Variants in ASCC3 observed in about 807,000 individuals in gnomAD.
The protein encoded by ASCC3 is activating signal cointegrator 1 complex subunit 3.
ASCC3 carries 158 observed loss-of-function variants against 256.3 expected under a neutral mutation model. The observed-to-expected ratio is 0.62, with a 90% CI of 0.54 to 0.70. The LOEUF is 0.70. ASCC3 is among the 30% of genes least tolerant of loss of function. The pLI is 0.00. For synonymous variants in ASCC3, 948 were observed against 883.4 expected, an observed-to-expected ratio of 1.07 and a Z score of -1.30; for missense variants, 2,259 against 2,626.0, an observed-to-expected ratio of 0.86 and a Z score of 3.05.
chr6:100,583,424 G>A (rs1365046279), intron 36 of ASCC3, among the ~76,000 whole-genome samples: 10 of 152,130 alleles, frequency 6.6e-5, no homozygotes, highest in Non-Finnish European at 1.2e-4. Flanking sequence ...CTGTGGGATC[G>A]GTGGTGATAT....
intron 4 of ASCC3, among the ~76,000 whole-genome samples, chr6:100,812,067 G>A (rs984869481): frequency 5.3e-5 from 8 of 152,050 alleles, no homozygotes; most frequent in South Asian, 2.1e-4. Flanking sequence ...ATGCATCTCC[G>A]TAACAAACAA....
chr6:100,566,942 G>A (rs1770286766), intron 36 of ASCC3, among the ~76,000 whole-genome samples: 1 of 151,984 alleles, frequency 6.6e-6, no homozygotes, highest in Admixed American at 6.6e-5. Flanking sequence ...CATTGAAGAT[G>A]CCTAGGATCT....
intron 14 of ASCC3, among the ~76,000 whole-genome samples, chr6:100,666,202 C>CTGT (rs1776466995): frequency 6.6e-6 from 1 of 152,116 alleles, no homozygotes; most frequent in Non-Finnish European, 1.5e-5. Context: ...GGGCACATTA[C>CTGT]AGTCTGTTAA....
Position 100,540,165 on chromosome 6 carries a change from G to C in ASCC3, c.5773C>G (p.Gln1925Glu). The change falls in exon 37 of 42, where the codon CAG becomes GAG. Residue 1925 changes from glutamine (Q) to glutamate (E), a missense_variant and splice_region_variant. Gln to Glu is a conservative substitution (Grantham distance 29, BLOSUM62 2). Coordinates refer to ENST00000369162, the MANE Select transcript of ASCC3 (RefSeq NM_006828.4). Reference protein sequence around the residue: ...TVLDQALRVCQAMLDVAANQG... With the variant: ...TVLDQALRVCEAMLDVAANQG... Reference sequence around the variant, plus strand: ...GGTATTAGAAATGACTTTCATACCTGACATACTCTGAGAGCTTGGTCCAAG... The same window carrying C: ...GGTATTAGAAATGACTTTCATACCTCACATACTCTGAGAGCTTGGTCCAAG... 1 of 1,611,530 alleles carries C rather than the reference G, an allele frequency of 6.2e-7. No individual in the cohort carries two copies.
chr6:100,518,255 T>A, intron 37 of ASCC3, 113 bp from the exon 38 acceptor site: 1 of 1,123,528 alleles, frequency 8.9e-7, no homozygotes, highest in Non-Finnish European at 1.3e-6. Context: ...ATTGTATCTC[T>A]AAATTACTAT....
In ASCC3 at chr6:100,601,809, C is replaced by T; in HGVS notation, c.5303+1G>A. On this transcript the variant is annotated splice_donor_variant, in intron 34 of 41. Transcript: ENST00000369162. LOFTEE classifies it high-confidence loss of function. ...AGGTATATAACTGCCCTTGCACTTA[C>T]CTGGGATTCATGATAAGACGTCGGA... 1 of 1,611,850 alleles carries T rather than the reference C, an allele frequency of 6.2e-7. No homozygotes were observed.
intron 36 of ASCC3, among the ~76,000 whole-genome samples, chr6:100,559,588 G>A (rs1190420543): frequency 2.0e-5 from 3 of 152,120 alleles, no homozygotes; most frequent in Non-Finnish European, 2.9e-5. Context: ...GGTGGCTCAC[G>A]CCTGTAATCC....
intron 36 of ASCC3, among the ~76,000 whole-genome samples, chr6:100,574,187 T>C (rs1041625672): frequency 6.6e-6 from 1 of 152,146 alleles, no homozygotes; most frequent in African/African-American, 2.4e-5. Context: ...GTGCACTGAC[T>C]ATTGGATAGA....
chr6:100,695,975 A>G (rs1778063729), intron 13 of ASCC3, among the ~76,000 whole-genome samples: 1 of 152,136 alleles, frequency 6.6e-6, no homozygotes. Context: ...GACACTTCAC[A>G]GTTTCAGACT....
At chr6:100,815,781 TAA>T (rs1053449054) in intron 4 of ASCC3, among the ~76,000 whole-genome samples, 3 of 152,228 alleles carry the variant, frequency 2.0e-5, no homozygotes, top group Admixed American at 2.0e-4. Context: ...CAAGATGGAT[TAA>T]AGACTTAAAT....
chr6:100,516,131 A>C, intron 39 of ASCC3, 49 bp downstream of exon 39: 1 of 1,612,062 alleles, frequency 6.2e-7, no homozygotes, highest in Non-Finnish European at 8.5e-7. Context: ...CTCTTGGTAC[A>C]CCTTCTCAGA....
Position 100,652,886 on chromosome 6 carries a change from C to CA in ASCC3, c.2826dup (p.Asp943Ter). 6.2e-7 allele frequency: 1 copy of CA among 1,613,552 alleles called. No homozygotes were observed. Among genetic ancestry groups the CA allele is most frequent in the Non-Finnish European group, 8.5e-7 (1 of 1,179,728 alleles). On this transcript the variant is annotated frameshift_variant, in exon 18 of 42. Transcript: ENST00000369162. LOFTEE classifies it high-confidence loss of function. ...TCTCGATGCTTTCTTAATGTTGGGTCAATCTATGGCAAAAAATATATAAAC... is the reference window on the plus strand; with the variant it reads ...TCTCGATGCTTTCTTAATGTTGGGTCAAATCTATGGCAAAAAATATATAAAC...
intron 4 of ASCC3, among the ~76,000 whole-genome samples, chr6:100,825,049 G>T (rs1478138875): frequency 2.0e-5 from 3 of 152,118 alleles, no homozygotes; most frequent in Non-Finnish European, 4.4e-5. Context: ...TATTTATTGA[G>T]TTTTGAATTA....
chr6:100,646,522 G>T, intron 22 of ASCC3, 93 bp downstream of exon 22: 1 of 1,329,156 alleles, frequency 7.5e-7, no homozygotes, highest in Non-Finnish European at 1.0e-6. Flanking sequence ...ATTCTTTTTA[G>T]AGGATTTTCT....
chr6:100,859,336 T>C, intron 3 of ASCC3: 1 of 720,502 alleles, frequency 1.4e-6, no homozygotes, highest in Admixed American at 1.9e-5. Flanking sequence ...TTTTGCAGTT[T>C]TTCTAGGTAT....
chr6:100,842,841 G>C (rs1772210543), intron 4 of ASCC3, among the ~76,000 whole-genome samples: 1 of 152,006 alleles, frequency 6.6e-6, no homozygotes, highest in South Asian at 2.1e-4. Flanking sequence ...TGTGTGTGGT[G>C]AGGCATCCTT....
At chr6:100,879,662 TTTA>T (rs1176784489) in intron 1 of ASCC3, among the ~76,000 whole-genome samples, 1 of 151,588 alleles carries the variant, frequency 6.6e-6, no homozygotes, top group Admixed American at 6.6e-5. Context: ...GAAAAAGCTT[TTTA>T]TTTATTTATT....
chr6:100,785,894 C>A (rs1046220026), intron 8 of ASCC3, among the ~76,000 whole-genome samples: 1 of 152,054 alleles, frequency 6.6e-6, no homozygotes. Context: ...TATTACTGGT[C>A]TTGAAGACAC....
intron 13 of ASCC3, among the ~76,000 whole-genome samples, chr6:100,710,395 G>A (rs554062391): frequency 6.6e-6 from 1 of 152,240 alleles, no homozygotes; most frequent in African/African-American, 2.4e-5. Flanking sequence ...TCCCATCCAA[G>A]TCTATCCTTT....
Sources: allele counts gnomAD v4.1 joint callset (sites outside exome capture counted in the v4.1 genomes callset), GRCh38; gene constraint gnomAD v4.1.1; transcripts MANE v1.5; gene names NCBI Gene and HGNC (gene_info 2026-07-23, HGNC 2026-07-21).